CHP1: variants seen among roughly 807,000 people sequenced by gnomAD.
CHP1 encodes calcineurin like EF-hand protein 1.
A neutral mutation model predicts 27.4 loss-of-function variants in CHP1; 11 were observed. The ratio of observed to expected loss-of-function variants is 0.40; its 90% CI spans 0.25 to 0.67. CHP1 has a LOEUF of 0.67. Ranked by LOEUF, CHP1 falls within the 30% of genes least tolerant of loss-of-function variation. CHP1 has a pLI of 0.38. For missense variants in CHP1, 169 were observed against 251.3 expected, an observed-to-expected ratio of 0.67 and a Z score of 2.22; for synonymous variants, 89 against 87.4, an observed-to-expected ratio of 1.02 and a Z score of -0.10.
At chr15:41,245,396 G>A (rs866070689) in intron 2 of CHP1, among the ~76,000 whole-genome samples, 1 of 152,202 alleles carries the variant, frequency 6.6e-6, no homozygotes, top group South Asian at 2.1e-4. Context: ...CAGGAGAATT[G>A]CTTGAACTTG....
Position 41,280,929 on chromosome 15 carries a change from G to A in CHP1, c.*1540G>A. ...GCTGGAGTGCAGTGGCGTGATCTTG[G>A]CTCACTGCAACCTCTGCCTCCTGGG... On this transcript the variant is annotated 3_prime_UTR_variant, in exon 7 of 7. Transcript: ENST00000334660. 1 of 151,782 alleles carries A rather than the reference G, an allele frequency of 6.6e-6. No individual in the cohort carries two copies. The highest frequency in any genetic ancestry group is 1.5e-5 in the Non-Finnish European group (1 of 68,012). The allele number at this position is 151,782 out of a possible 1,614,324, so 9.4% of individuals were successfully genotyped here. A position where few individuals can be genotyped will look rare whatever the true frequency, so the allele number is the denominator to read the frequency against.
chr15:41,275,492 A>C (rs1465312971), intron 5 of CHP1, among the ~76,000 whole-genome samples: 1 of 152,180 alleles, frequency 6.6e-6, no homozygotes, highest in Non-Finnish European at 1.5e-5. Context: ...TATTTAAAAA[A>C]TAATCAGTTT....
chr15:41,259,453 T>G (rs2047420386), intron 3 of CHP1, among the ~76,000 whole-genome samples: 1 of 149,948 alleles, frequency 6.7e-6, no homozygotes, highest in Admixed American at 6.6e-5. Context: ...CGACTCTGCT[T>G]CTTGCTCTAA....
At position 41,267,894 on chromosome 15, in the gene CHP1, A is replaced by G. The variant is rs149616001; in HGVS notation, c.350-2663A>G. On this transcript the variant is annotated intron_variant, in intron 4 of 6. Coordinates refer to ENST00000334660, the MANE Select transcript of CHP1 (RefSeq NM_007236.5). Reference sequence around the variant, plus strand: ...GTCTGCAGTGAGCCATGATTGCACCACTGCACTCCAGTGACAGAGTGAGGC... The same window carrying G: ...GTCTGCAGTGAGCCATGATTGCACCGCTGCACTCCAGTGACAGAGTGAGGC... Among the ~76,000 whole-genome samples, 126 of 147,442 alleles carry G rather than the reference A, an allele frequency of 8.5e-4. No individual in the cohort carries two copies. The East Asian group carries it at 0.023, about 27-fold the overall frequency.
intron 2 of CHP1, among the ~76,000 whole-genome samples, 187 bp downstream of exon 2, chr15:41,243,926 C>G (rs1013180485): frequency 2.6e-5 from 4 of 152,126 alleles, no homozygotes; most frequent in African/African-American, 9.7e-5. Context: ...ACAGGCTGGG[C>G]GCGGTGGCTC....
At chr15:41,252,891 T>C (rs941591895) in intron 2 of CHP1, among the ~76,000 whole-genome samples, 3 of 151,400 alleles carry the variant, frequency 2.0e-5, no homozygotes, top group Non-Finnish European at 4.4e-5. Flanking sequence ...GTTGGTATGC[T>C]TTTCAGTGAA....
chr15:41,276,082 A>G (rs1403100534), intron 5 of CHP1, among the ~76,000 whole-genome samples: 1 of 152,062 alleles, frequency 6.6e-6, no homozygotes, highest in Non-Finnish European at 1.5e-5. Context: ...CTCTACTAAA[A>G]ATACAAAAAT....
intron 3 of CHP1, 27 bp downstream of exon 3, chr15:41,257,017 C>T: frequency 6.5e-7 from 1 of 1,549,030 alleles, no homozygotes; most frequent in South Asian, 1.1e-5. Context: ...GTTGGACTTC[C>T]TTCCTGAGGC....
Position 41,231,283 on chromosome 15 carries a change from C to T in CHP1, c.-100C>T, listed in dbSNP as rs2047238010. ...CCGGGTCCGCAGTGGAAACACTGCC[C>T]TCTCCCTTCTTGACCCCTAGCCCTT... On this transcript the variant is annotated 5_prime_UTR_variant, in exon 1 of 7. Coordinates refer to ENST00000334660, the MANE Select transcript of CHP1 (RefSeq NM_007236.5). The T allele has an allele frequency of 2.5e-6, 3 of 1,203,248 alleles. No homozygotes were observed. The highest frequency in any genetic ancestry group is 1.5e-5 in the African/African-American group (1 of 66,310). 74.5% of individuals were successfully genotyped at this position (1,203,248 alleles called of 1,614,324 possible).
At chr15:41,262,668 T>C (rs2047439348) in intron 3 of CHP1, 88 bp from the exon 4 acceptor site, 6 of 1,524,286 alleles carry the variant, frequency 3.9e-6, no homozygotes, top group Non-Finnish European at 5.4e-6. Flanking sequence ...CAGGCTACCG[T>C]AGCTAAAGCT....
chr15:41,273,122 C>A (rs1299822087), intron 5 of CHP1, among the ~76,000 whole-genome samples: 1 of 151,488 alleles, frequency 6.6e-6, no homozygotes, highest in Non-Finnish European at 1.5e-5. Context: ...TGTAAAAATC[C>A]TAAACAAAAT....
intron 2 of CHP1, among the ~76,000 whole-genome samples, chr15:41,245,246 A>G (rs979130895): frequency 6.6e-6 from 1 of 152,154 alleles, no homozygotes; most frequent in South Asian, 2.1e-4. Flanking sequence ...GGATCACCTG[A>G]GATCAGGAGT....
At chr15:41,250,137 A>T (rs1177689549) in intron 2 of CHP1, among the ~76,000 whole-genome samples, 1 of 152,022 alleles carries the variant, frequency 6.6e-6, no homozygotes, top group Admixed American at 6.6e-5. Flanking sequence ...AATTTGTGAA[A>T]ACCTTGGTCA....
chr15:41,237,587 G>C (rs1398643653), intron 1 of CHP1, among the ~76,000 whole-genome samples: 3 of 152,144 alleles, frequency 2.0e-5, no homozygotes, highest in Admixed American at 2.0e-4. Flanking sequence ...GGAATGTTAA[G>C]GTGTAGTCTA....
At chr15:41,258,527 G>A (rs1297128507) in intron 3 of CHP1, among the ~76,000 whole-genome samples, 1 of 151,980 alleles carries the variant, frequency 6.6e-6, no homozygotes, top group Non-Finnish European at 1.5e-5. Flanking sequence ...CATTTCCCCA[G>A]CCTTTATTTT....
At chr15:41,261,168 T>C (rs901098307) in intron 3 of CHP1, among the ~76,000 whole-genome samples, 1 of 151,580 alleles carries the variant, frequency 6.6e-6, no homozygotes, top group African/African-American at 2.4e-5. Flanking sequence ...TCCTTTTCTT[T>C]TTTTTTGACA....
chr15:41,231,600 G>A, intron 1 of CHP1, 151 bp downstream of exon 1: 1 of 704,960 alleles, frequency 1.4e-6, no homozygotes, highest in South Asian at 1.7e-5. Context: ...TGGAAGACCT[G>A]TTCTTCCAGC....
chr15:41,243,804 C>A, intron 2 of CHP1, 65 bp downstream of exon 2: 1 of 1,384,444 alleles, frequency 7.2e-7, no homozygotes, highest in South Asian at 1.2e-5. Flanking sequence ...GTCTGAATAG[C>A]TGCCTTTATC....
Position 41,279,411 on chromosome 15 carries a change from C to A in CHP1, c.*22C>A, listed in dbSNP as rs141877975. On this transcript the variant is annotated 3_prime_UTR_variant, in exon 7 of 7. Coordinates refer to ENST00000334660, the MANE Select transcript of CHP1 (RefSeq NM_007236.5). ...CTAAAGGAGACCAAACTGTTCCTTG[C>A]GGTCTAGTATTTAAGAACTGGAACT... 2 of 1,604,484 alleles carry A rather than the reference C, an allele frequency of 1.2e-6. No individual in the cohort carries two copies. Among genetic ancestry groups the A allele is most frequent in the African/African-American group, 1.3e-5 (1 of 74,616 alleles).
Sources: gnomAD v4.1 joint callset for allele counts (sites outside exome capture counted in the v4.1 genomes callset) on GRCh38, gnomAD v4.1.1 for gene constraint, MANE v1.5 for transcripts, NCBI Gene and HGNC (gene_info 2026-07-23, HGNC 2026-07-21) for gene names.